UNC13C: variants seen among roughly 807,000 people sequenced by gnomAD.
UNC13C encodes the protein protein unc-13 homolog C.
UNC13C carries 174 observed loss-of-function variants against 245.4 expected under a neutral mutation model. The ratio of observed to expected loss-of-function variants is 0.71; its 90% CI spans 0.63 to 0.80. The LOEUF (loss-of-function observed/expected upper bound fraction) is 0.80, where lower values mean the gene tolerates loss of function less well. Ranked by LOEUF, UNC13C falls within the 30% of genes least tolerant of loss-of-function variation. The probability of loss-of-function intolerance (pLI) is 0.00; values close to 1 mark genes in which losing one functional copy is unlikely to be tolerated. For missense variants in UNC13C, 2,829 were observed against 2,602.9 expected (o/e 1.09, Z -1.89); for synonymous variants, 992 against 895.1 (o/e 1.11, Z -1.93).
At chr15:54,420,272 A>C (rs974730944) in intron 19 of UNC13C, among the ~76,000 whole-genome samples, 1 of 152,054 alleles carries the variant, frequency 6.6e-6, no homozygotes. Context: ...ACATACTTAC[A>C]TGGCTGTTGA....
Position 54,045,986 on chromosome 15 carries a change from G to A in UNC13C, c.2983+30100G>A, listed in dbSNP as rs76766408. 5.8e-3 allele frequency among the ~76,000 whole-genome samples: 874 copies of A among 151,780 alleles called. 11 individuals carry two copies. The highest frequency in any genetic ancestry group is 0.02 in the African/African-American group (836 of 41,402). On this transcript the variant is annotated intron_variant, in intron 2 of 32. Transcript: ENST00000260323. ...ATCAGTATAGATTCCAGATTCATTC[G>A]GTATTCAATATTCTCATCCATTTCT...
intron 24 of UNC13C, among the ~76,000 whole-genome samples, chr15:54,518,282 G>GT (rs1215092233): frequency 6.6e-5 from 10 of 152,104 alleles, no homozygotes; most frequent in Non-Finnish European, 1.3e-4. Flanking sequence ...AGGTTGAAAG[G>GT]TTTTTTGGTT....
At chr15:54,291,135 T>G (rs936522891) in intron 10 of UNC13C, among the ~76,000 whole-genome samples, 2 of 152,012 alleles carry the variant, frequency 1.3e-5, no homozygotes, top group African/African-American at 4.8e-5. Flanking sequence ...AATATAAATT[T>G]TGGGTAAATT....
chr15:54,202,959 C>A (rs565973226), intron 4 of UNC13C, among the ~76,000 whole-genome samples: 1 of 151,712 alleles, frequency 6.6e-6, no homozygotes, highest in East Asian at 1.9e-4. Flanking sequence ...GGAACTCGAA[C>A]AATTCAGCAA....
the UNC13C span, among the ~76,000 whole-genome samples, chr15:53,960,381 T>C: frequency 2.6e-5 from 4 of 151,940 alleles, no homozygotes; most frequent in African/African-American, 9.7e-5. Context: ...TATAGGATCG[T>C]AAGAAAGGAA....
intron 2 of UNC13C, among the ~76,000 whole-genome samples, chr15:54,137,762 C>T (rs2031810845): frequency 6.6e-6 from 1 of 151,600 alleles, no homozygotes; most frequent in African/African-American, 2.4e-5. Flanking sequence ...TTTATATTTT[C>T]AAAAAAACCC....
chr15:54,218,531 A>G (rs994866217), intron 4 of UNC13C, among the ~76,000 whole-genome samples: 5 of 151,970 alleles, frequency 3.3e-5, no homozygotes, highest in African/African-American at 9.7e-5. Context: ...AAAACCTACA[A>G]GGAGTTCAGG....
intron 2 of UNC13C, among the ~76,000 whole-genome samples, chr15:54,123,002 T>G (rs1042623974): frequency 6.6e-6 from 1 of 152,088 alleles, no homozygotes; most frequent in African/African-American, 2.4e-5. Context: ...AACGTATGTT[T>G]AAATTTTTAA....
At chr15:54,197,012 C>A (rs1183281586) in intron 4 of UNC13C, among the ~76,000 whole-genome samples, 3 of 151,972 alleles carry the variant, frequency 2.0e-5, no homozygotes, top group African/African-American at 7.3e-5. Flanking sequence ...ACATATGTAA[C>A]AAACCTGTAC....
rs547091854 is a variant in UNC13C, at chr15:54,311,054, A to C, written c.4268+10681A>C. ...TTTGGTACTAGGAGCTACCTTCCTT[A>C]ATTTAGCATGCTTTTAAGCACAGTT... On this transcript the variant is annotated intron_variant, in intron 13 of 32. Transcript: ENST00000260323. Among the ~76,000 whole-genome samples, 33 of 151,836 alleles carry C rather than the reference A, an allele frequency of 2.2e-4. No individual in the cohort carries two copies. In the South Asian group the frequency reaches 6.8e-3, roughly 31 times the overall value.
In UNC13C at chr15:54,584,916, A is replaced by C. The variant is rs537464520; in HGVS notation, c.6106+16969A>C. Among the ~76,000 whole-genome samples, 3 of 152,360 alleles carry C rather than the reference A, an allele frequency of 2.0e-5. No individual in the cohort carries two copies. In the East Asian group the frequency reaches 5.8e-4, roughly 29 times the overall value. On this transcript the variant is annotated intron_variant, in intron 30 of 32. Coordinates refer to ENST00000260323, the MANE Select transcript of UNC13C (RefSeq NM_001080534.3). ...CTGTAAGCACAGGGCATTTTCCACT[A>C]ATCAGCCCACTAACCAAAGAAACCT...
chr15:54,273,781 T>A (rs1198026887), intron 10 of UNC13C, among the ~76,000 whole-genome samples: 2 of 152,276 alleles, frequency 1.3e-5, no homozygotes, highest in Non-Finnish European at 2.9e-5. Flanking sequence ...TATCTCTACT[T>A]GGTTCATTCC....
chr15:54,121,765 C>A (rs1375062772), intron 2 of UNC13C, among the ~76,000 whole-genome samples: 1 of 151,836 alleles, frequency 6.6e-6, no homozygotes, highest in African/African-American at 2.4e-5. Flanking sequence ...ATATACTAAG[C>A]TTTTTACCTA....
chr15:54,228,563 A>G (rs151270770), intron 4 of UNC13C, among the ~76,000 whole-genome samples: 50 of 152,288 alleles, frequency 3.3e-4, no homozygotes, highest in Non-Finnish European at 4.9e-4. Context: ...TATTTTAGTC[A>G]GCAGGTAATG....
At chr15:54,270,452 G>A (rs2036657703) in intron 10 of UNC13C, among the ~76,000 whole-genome samples, 1 of 152,082 alleles carries the variant, frequency 6.6e-6, no homozygotes, top group South Asian at 2.1e-4. Flanking sequence ...TCACAGAATT[G>A]TTGTGTTTTT....
intron 4 of UNC13C, among the ~76,000 whole-genome samples, chr15:54,185,090 C>A (rs2033930729): frequency 6.6e-6 from 1 of 152,090 alleles, no homozygotes; most frequent in Non-Finnish European, 1.5e-5. Flanking sequence ...CCATTCATAT[C>A]CTTCGCTCAC....
intron 19 of UNC13C, among the ~76,000 whole-genome samples, chr15:54,465,936 G>A (rs1051402141): frequency 2.0e-5 from 3 of 151,974 alleles, no homozygotes; most frequent in Non-Finnish European, 4.4e-5. Flanking sequence ...GCGTAGACAA[G>A]AATCTTGTCC....
the UNC13C span, among the ~76,000 whole-genome samples, chr15:53,967,326 T>TG: frequency 1.7e-5 from 2 of 117,914 alleles, no homozygotes; most frequent in African/African-American, 6.1e-5. Context: ...CACAATTTTT[T>TG]TTTTGTTGTT....
intron 10 of UNC13C, among the ~76,000 whole-genome samples, chr15:54,285,453 A>G (rs1466832617): frequency 6.6e-6 from 1 of 152,256 alleles, no homozygotes; most frequent in Non-Finnish European, 1.5e-5. Flanking sequence ...AGTGGGTTAC[A>G]TAATTCATGA....
Sources: gnomAD v4.1 joint callset for allele counts (sites outside exome capture counted in the v4.1 genomes callset) on GRCh38, gnomAD v4.1.1 for gene constraint, MANE v1.5 for transcripts, NCBI Gene and HGNC (gene_info 2026-07-23, HGNC 2026-07-21) for gene names.